RUVBL1: variants seen among roughly 807,000 people sequenced by gnomAD.
The protein encoded by RUVBL1 is RuvB like AAA ATPase 1.
A neutral mutation model predicts 52.4 loss-of-function variants in RUVBL1; 4 were observed. That is an observed-to-expected ratio of 0.08 (90% CI 0.04 to 0.17). The LOEUF (loss-of-function observed/expected upper bound fraction) is 0.17. Ranked by LOEUF, RUVBL1 falls within the 10% of genes least tolerant of loss-of-function variation. The pLI is 1.00. For missense variants in RUVBL1, 298 were observed against 572.8 expected (o/e 0.52, Z 4.90); for synonymous variants, 217 against 214.4 (o/e 1.01, Z -0.10).
chr3:128,072,348 C>T (rs1438881204), intron 9 of RUVBL1, among the ~76,000 whole-genome samples: 1 of 152,214 alleles, frequency 6.6e-6, no homozygotes, highest in Non-Finnish European at 1.5e-5. Flanking sequence ...AACCCCAGGG[C>T]AGGCCTGACC....
At chr3:128,143,828 C>T (rs913465531) in intron 1 of RUVBL1, among the ~76,000 whole-genome samples, 3 of 152,114 alleles carry the variant, frequency 2.0e-5, no homozygotes, top group Non-Finnish European at 4.4e-5. Flanking sequence ...TCAGCCCCCT[C>T]GAGACCTGGA....
At chr3:128,080,293 T>TC (rs549848908), downstream of RUVBL1, among the ~76,000 whole-genome samples, 21 of 152,372 alleles carry the variant, frequency 1.4e-4, no homozygotes, top group African/African-American at 4.6e-4. Context: ...TCTGATACAA[T>TC]CTTCCATGCA....
chr3:128,100,389 C>T (rs1024780013), intron 6 of RUVBL1, among the ~76,000 whole-genome samples: 5 of 152,212 alleles, frequency 3.3e-5, no homozygotes, highest in Non-Finnish European at 4.4e-5. Flanking sequence ...AGAAACAATA[C>T]ACATGAAATC....
At position 128,107,148 on chromosome 3, in the gene RUVBL1, G is replaced by A. The variant is rs143586644; in HGVS notation, c.362-2224C>T. Among the ~76,000 whole-genome samples, 389 of 152,242 alleles carry A rather than the reference G, an allele frequency of 2.6e-3. 5 individuals are homozygous for A. The highest frequency in any genetic ancestry group is 4.1e-3 in the Admixed American group (62 of 15,290). ...TTACGAAATACTGCTCTAAATCTCC[G>A]CTGGAGCCTATGGTCATGGTTCTCA... On this transcript the variant is annotated intron_variant, in intron 3 of 10. Transcript: ENST00000322623.
chr3:128,089,004 A>C (rs1207558277), intron 8 of RUVBL1, among the ~76,000 whole-genome samples: 1 of 152,226 alleles, frequency 6.6e-6, no homozygotes, highest in Non-Finnish European at 1.5e-5. Context: ...GCTACACATG[A>C]GTTATCTAAT....
chr3:128,130,621 TTATTTATG>T (rs146734616), intron 1 of RUVBL1, among the ~76,000 whole-genome samples: 78,381 of 121,016 alleles, frequency 0.65, 25,370 homozygotes, highest in East Asian at 0.81. Context: ...AAAATTTTAT[TTATTTATG>T]TATTTATTTA....
chr3:128,071,631 A>G (rs1288918382), intron 9 of RUVBL1: 2 of 152,708 alleles, frequency 1.3e-5, no homozygotes, highest in Non-Finnish European at 2.9e-5. Flanking sequence ...CCAAAATGGC[A>G]TAACTGAGAT....
chr3:128,147,623 G>C (rs957380964), intron 1 of RUVBL1, among the ~76,000 whole-genome samples: 3 of 152,140 alleles, frequency 2.0e-5, no homozygotes, highest in Non-Finnish European at 4.4e-5. Context: ...AACTGATGAT[G>C]CTGAGCAAGC....
downstream of RUVBL1, chr3:128,076,167 G>C (rs1178165823): frequency 6.6e-6 from 1 of 152,396 alleles, no homozygotes; most frequent in Non-Finnish European, 1.5e-5. The surrounding 1 kb of genome is among the most constrained non-coding windows in gnomAD (Gnocchi z 6.8). Context: ...TGGAGGGGCA[G>C]TGCCTCAGAG....
downstream of RUVBL1, among the ~76,000 whole-genome samples, chr3:128,079,314 T>C (rs1240749428): frequency 2.0e-5 from 3 of 152,248 alleles, no homozygotes; most frequent in Admixed American, 2.0e-4. Flanking sequence ...GGAGGCAGTA[T>C]GGCCCCCAGG....
intron 4 of RUVBL1, among the ~76,000 whole-genome samples, chr3:128,103,773 C>T (rs915515231): frequency 1.3e-5 from 2 of 152,202 alleles, no homozygotes; most frequent in South Asian, 4.1e-4. Flanking sequence ...GAAAACTATA[C>T]ACACATACAC....
intron 1 of RUVBL1, among the ~76,000 whole-genome samples, chr3:128,121,784 G>A (rs2107719571): frequency 6.6e-6 from 1 of 150,440 alleles, no homozygotes; most frequent in East Asian, 2.0e-4. Flanking sequence ...CCCCAGCACT[G>A]AAGCTCTTTG....
intron 2 of RUVBL1, among the ~76,000 whole-genome samples, chr3:128,117,752 A>G (rs1164052929): frequency 6.6e-6 from 1 of 152,126 alleles, no homozygotes; most frequent in African/African-American, 2.4e-5. Context: ...AGAATTGAGC[A>G]GAGACATAAT....
chr3:128,104,918 C>T lies in RUVBL1; in HGVS notation c.368G>A (p.Arg123Gln), dbSNP rs777654764. 2 of 1,601,502 alleles carry T rather than the reference C, an allele frequency of 1.2e-6. No homozygotes were observed. The highest frequency in any genetic ancestry group is 1.3e-5 in the African/African-American group (1 of 74,738). Residue 123 changes from arginine to glutamine, a missense_variant, in exon 4 of 11, where the codon CGA becomes CAA. Around this residue, in one of 5 missense-constraint regions of RUVBL1, gnomAD observed 8 missense variants for 44.3 expected, o/e 0.18. Transcript: ENST00000322623. Reference sequence around the variant, plus strand: ...ATAAACTTCCTTGGTCTCCTTTATTCGCAGCCCTGGAAGAGGTGGCAGAGG... The same window carrying T: ...ATAAACTTCCTTGGTCTCCTTTATTTGCAGCCCTGGAAGAGGTGGCAGAGG... ...MENFRRAIGL[R>Q]IKETKEVYEG...
rs141495938 is a variant in RUVBL1 at position 128,115,263 on chromosome 3, A to AT, written c.229-2244dup. Among the ~76,000 whole-genome samples the AT allele has an allele frequency of 2.3e-4, 35 of 151,518 alleles. No homozygotes were observed. The South Asian group carries it at 3.3e-3, about 14-fold the overall frequency. Reference sequence around the variant, plus strand: ...GATGCAAACCCCAATCTCCAAAGCCATTTTTTTTTGTACTCACCCCATGTG... The same window carrying AT: ...GATGCAAACCCCAATCTCCAAAGCCATTTTTTTTTTGTACTCACCCCATGTG... On this transcript the variant is annotated intron_variant, in intron 2 of 10. Transcript: ENST00000322623.
At chr3:128,143,233 C>T (rs1944056758) in intron 1 of RUVBL1, among the ~76,000 whole-genome samples, 1 of 149,444 alleles carries the variant, frequency 6.7e-6, no homozygotes, top group East Asian at 1.9e-4. Context: ...AGTTCAGTGG[C>T]ACAATCTTGG....
chr3:128,131,524 C>A (rs945543484), intron 1 of RUVBL1, among the ~76,000 whole-genome samples: 4 of 142,278 alleles, frequency 2.8e-5, no homozygotes, highest in Non-Finnish European at 4.6e-5. Context: ...AACAAACCAA[C>A]AACAACAACA....
intron 2 of RUVBL1, 49 bp from the exon 3 acceptor site, chr3:128,113,069 C>T: frequency 6.2e-7 from 1 of 1,600,724 alleles, no homozygotes; most frequent in South Asian, 1.1e-5. Flanking sequence ...GAAAACATGA[C>T]AGTTCAGAAA....
chr3:128,097,682 A>G lies in RUVBL1; in HGVS notation c.818-184T>C, dbSNP rs575404199. Among the ~76,000 whole-genome samples, 3 of 152,262 alleles carry G rather than the reference A, an allele frequency of 2.0e-5. No individual in the cohort carries two copies. The South Asian group carries it at 6.2e-4, about 32-fold the overall frequency. ...AGTGTCGTCATCTGAACACAGTGAT[A>G]ATCACACCTAAAAGGTCACAAAATT... On this transcript the variant is annotated intron_variant, in intron 7 of 10. Coordinates refer to ENST00000322623, the MANE Select transcript of RUVBL1 (RefSeq NM_003707.3).
Sources: allele counts gnomAD v4.1 joint callset (sites outside exome capture counted in the v4.1 genomes callset), GRCh38; gene constraint gnomAD v4.1.1; regional missense constraint gnomAD v4.1.1; non-coding constraint Gnocchi (gnomAD v3.1); transcripts MANE v1.5; gene names NCBI Gene and HGNC (gene_info 2026-07-23, HGNC 2026-07-21).